Variants in CNTNAP2 observed in about 807,000 individuals in gnomAD.
The protein encoded by CNTNAP2 is contactin associated protein 2, also known as contactin-associated protein-like 2.
Under a neutral mutation model 155.2 loss-of-function variants are expected in CNTNAP2, and 98 were observed. The observed-to-expected ratio is 0.63, with a 90% confidence interval of 0.54 to 0.75. CNTNAP2 has a LOEUF of 0.75. Ranked by LOEUF, CNTNAP2 falls within the 30% of genes least tolerant of loss-of-function variation. The probability of loss-of-function intolerance (pLI) is 0.00; values close to 1 mark genes in which losing one functional copy is unlikely to be tolerated. For missense variants in CNTNAP2, 1,727 were observed against 1,688.1 expected, an observed-to-expected ratio of 1.02 and a Z score of -0.40; for synonymous variants, 651 against 631.2, an observed-to-expected ratio of 1.03 and a Z score of -0.47.
intron 1 of CNTNAP2, among the ~76,000 whole-genome samples, chr7:146,156,714 T>G (rs1419700656): frequency 6.6e-6 from 1 of 152,188 alleles, no homozygotes; most frequent in Non-Finnish European, 1.5e-5. Context: ...GTGACTCTCC[T>G]GCCTCAGCCT....
chr7:146,602,675 A>G (rs1007041434), intron 1 of CNTNAP2, among the ~76,000 whole-genome samples: 1 of 152,220 alleles, frequency 6.6e-6, no homozygotes, highest in African/African-American at 2.4e-5. Context: ...ATTGGAAAAT[A>G]CACATAGTGA....
In CNTNAP2 at chr7:147,898,044, G is replaced by A. The variant is rs1284947981; in HGVS notation, c.2099-5521G>A. ...GGGTACTGAGCTCTCCCTCTTGACT[G>A]TTTACCAGATTAAGTCAAATATACT... On this transcript the variant is annotated intron_variant, in intron 13 of 23. Coordinates refer to ENST00000361727, the MANE Select transcript of CNTNAP2 (RefSeq NM_014141.6). Among the ~76,000 whole-genome samples the A allele has an allele frequency of 2.6e-5, 4 of 152,130 alleles. No homozygotes were observed. The East Asian group carries it at 5.8e-4, about 22-fold the overall frequency.
chr7:147,773,370 C>A (rs1430636112), intron 13 of CNTNAP2, among the ~76,000 whole-genome samples: 2 of 152,078 alleles, frequency 1.3e-5, no homozygotes, highest in East Asian at 1.9e-4. Flanking sequence ...GAGGTGGTGA[C>A]TTACACCTAT....
intron 8 of CNTNAP2, among the ~76,000 whole-genome samples, chr7:147,210,183 T>G (rs1274993105): frequency 6.6e-5 from 10 of 152,054 alleles, no homozygotes; most frequent in Non-Finnish European, 1.5e-4. Context: ...AGGTCTTTTT[T>G]TGGATGTCTG....
chr7:146,506,152 T>G (rs1797381031), intron 1 of CNTNAP2, among the ~76,000 whole-genome samples: 1 of 152,198 alleles, frequency 6.6e-6, no homozygotes, highest in Non-Finnish European at 1.5e-5. Context: ...TGTATGTTGT[T>G]GGTTGGCCAT....
In CNTNAP2 at chr7:147,296,173, T is replaced by C. The variant is rs188747546; in HGVS notation, c.1349-3968T>C. Among the ~76,000 whole-genome samples, 21 of 152,310 alleles carry C rather than the reference T, an allele frequency of 1.4e-4. 1 individual carries two copies. In the East Asian group the frequency reaches 4.1e-3, roughly 29 times the overall value. The stretch of plus-strand genomic sequence containing the variant: ...ATTGGATTTGGGGACTGAACAAATA[T>C]CACGTTGATATCTTTGAGATCCATG... On this transcript the variant is annotated intron_variant, in intron 8 of 23. Transcript: ENST00000361727.
chr7:146,928,886 G>T (rs1401654736), intron 3 of CNTNAP2, among the ~76,000 whole-genome samples: 5 of 152,202 alleles, frequency 3.3e-5, no homozygotes, highest in Admixed American at 2.0e-4. Context: ...GCTGGGGGAG[G>T]GGCGCCTGCC....
intron 1 of CNTNAP2, among the ~76,000 whole-genome samples, chr7:146,321,385 G>C (rs948053855): frequency 1.3e-5 from 2 of 152,070 alleles, no homozygotes; most frequent in Non-Finnish European, 2.9e-5. Context: ...CTTTAAAATC[G>C]AGAACATCCC....
chr7:147,088,772 A>G (rs1386149947), intron 4 of CNTNAP2, among the ~76,000 whole-genome samples: 1 of 152,038 alleles, frequency 6.6e-6, no homozygotes. Flanking sequence ...GAGAGACCCC[A>G]TCTCTACACA....
At position 148,230,226 on chromosome 7, in the gene CNTNAP2, G is replaced by A. The variant is rs528645265; in HGVS notation, c.3381+447G>A. On this transcript the variant is annotated intron_variant, in intron 20 of 23. Transcript: ENST00000361727. Reference sequence around the variant, plus strand: ...TTCTCTCTCTCTCTGCAGAGCCTTTGTCTTAAAAATCCTCAAAACAGTCTT... The same window carrying A: ...TTCTCTCTCTCTCTGCAGAGCCTTTATCTTAAAAATCCTCAAAACAGTCTT... 3.6e-3 allele frequency among the ~76,000 whole-genome samples: 554 copies of A among 152,246 alleles called. 1 individual carries two copies. The highest frequency in any genetic ancestry group is 6.6e-3 in the Non-Finnish European group (447 of 68,028).
intron 1 of CNTNAP2, among the ~76,000 whole-genome samples, chr7:146,274,326 T>C (rs937501334): frequency 3.3e-5 from 5 of 152,206 alleles, no homozygotes; most frequent in African/African-American, 4.8e-5. Flanking sequence ...ACAATTGTCA[T>C]GGAGCCCAGT....
At chr7:146,914,850 T>C (rs1369505180) in intron 3 of CNTNAP2, among the ~76,000 whole-genome samples, 1 of 152,056 alleles carries the variant, frequency 6.6e-6, no homozygotes, top group African/African-American at 2.4e-5. Flanking sequence ...TTTTTGTTTT[T>C]TTTGCATTTT....
At chr7:147,815,220 C>G (rs7785374) in intron 13 of CNTNAP2, among the ~76,000 whole-genome samples, 17,079 of 152,180 alleles carry the variant, frequency 0.11, 1,264 homozygotes, top group African/African-American at 0.21. Flanking sequence ...TTAACCCAAA[C>G]TTATTATCTC....
chr7:147,161,474 C>G (rs1033960929), intron 8 of CNTNAP2, among the ~76,000 whole-genome samples: 1 of 152,148 alleles, frequency 6.6e-6, no homozygotes, highest in African/African-American at 2.4e-5. Context: ...CTGGCTGGCA[C>G]TCAGCAGGAA....
chr7:146,142,334 A>T (rs919742753), intron 1 of CNTNAP2, among the ~76,000 whole-genome samples: 2 of 152,210 alleles, frequency 1.3e-5, no homozygotes, highest in Admixed American at 6.5e-5. Flanking sequence ...CGTGGACAGC[A>T]TGTGGACTAA....
At chr7:146,544,827 C>A (rs569765495) in intron 1 of CNTNAP2, among the ~76,000 whole-genome samples, 1 of 151,680 alleles carries the variant, frequency 6.6e-6, no homozygotes, top group Non-Finnish European at 1.5e-5. Context: ...GTCTCAGAGA[C>A]GGATAAGTCA....
At chr7:146,667,805 A>T (rs1800225081) in intron 1 of CNTNAP2, among the ~76,000 whole-genome samples, 1 of 150,456 alleles carries the variant, frequency 6.6e-6, no homozygotes, top group Admixed American at 6.6e-5. Flanking sequence ...AATGCTATGG[A>T]TTTTCGTGTG....
chr7:146,393,447 A>C (rs139092940), intron 1 of CNTNAP2, among the ~76,000 whole-genome samples: 1 of 152,126 alleles, frequency 6.6e-6, no homozygotes, highest in Non-Finnish European at 1.5e-5. Flanking sequence ...TGTGGCCATG[A>C]TGGTGTCTTG....
intron 13 of CNTNAP2, among the ~76,000 whole-genome samples, chr7:147,775,375 ATTTATATATATTTATAAATATATATAT>A (rs1797565758): frequency 1.2e-5 from 1 of 82,288 alleles, no homozygotes; most frequent in Non-Finnish European, 2.1e-5. Context: ...ATATATATAT[ATTTATATATATTTATAAATATATATAT>A]TTATATATAT....
Sources: gnomAD v4.1 joint callset for allele counts (sites outside exome capture counted in the v4.1 genomes callset) on GRCh38, gnomAD v4.1.1 for gene constraint, MANE v1.5 for transcripts, NCBI Gene and HGNC (gene_info 2026-07-23, HGNC 2026-07-21) for gene names.